APAF1: variants seen among roughly 807,000 people sequenced by gnomAD.
The protein encoded by APAF1 is apoptotic peptidase activating factor 1, also known as apoptotic protease-activating factor 1.
In APAF1, 91 loss-of-function variants were observed where a neutral mutation model predicts 152.4. The ratio of observed to expected loss-of-function variants is 0.60; its 90% CI spans 0.50 to 0.71. The LOEUF is 0.71. Ranked by LOEUF, APAF1 falls within the 30% of genes least tolerant of loss-of-function variation. APAF1 has a pLI of 0.00. For synonymous variants in APAF1, 484 were observed against 494.1 expected (o/e 0.98, Z 0.27); for missense variants, 1,283 against 1,472.0 (o/e 0.87, Z 2.10).
intron 16 of APAF1, among the ~76,000 whole-genome samples, chr12:98,695,721 G>C (rs1200944433): frequency 6.6e-6 from 1 of 152,238 alleles, no homozygotes; most frequent in Admixed American, 6.5e-5. Flanking sequence ...GGCCCCCTGG[G>C]TTGCAGAGTG....
Position 98,727,192 on chromosome 12 carries a change from G to C in APAF1, c.3476G>C (p.Gly1159Ala). 1 of 1,614,084 alleles carries C rather than the reference G, an allele frequency of 6.2e-7. No individual in the cohort carries two copies. Among genetic ancestry groups the C allele is most frequent in the Non-Finnish European group, 8.5e-7 (1 of 1,180,010 alleles). ...ATGTAGATATGGAATGTCTCAAACG[G>C]TGAGCTTCTTCATTTGTGTGCTCCG... ...GEIRIWNVSN[G>A]ELLHLCAPLS... is the part of the protein sequence containing the mutation. Residue 1159 changes from glycine to alanine, a missense_variant, in exon 26 of 27, where the codon GGT (glycine) becomes GCT (alanine). By Grantham distance (60) the Gly-to-Ala change is moderately conservative. Transcript: ENST00000551964.
intron 12 of APAF1, among the ~76,000 whole-genome samples, chr12:98,675,697 ATTT>A (rs2097685772): frequency 6.6e-6 from 1 of 152,174 alleles, no homozygotes; most frequent in Non-Finnish European, 1.5e-5. Flanking sequence ...ATCCTATACC[ATTT>A]TATGTAAGAG....
rs141675057 is a variant in APAF1 at position 98,731,856 on chromosome 12, G to A, written c.3601-564G>A. ...AGGACTTGGCTACAGCCCTTGCTAC[G>A]TTTGAGATGTTCAGTATTTGTTTAG... On this transcript the variant is annotated intron_variant, in intron 26 of 26. Transcript: ENST00000551964. Among the ~76,000 whole-genome samples, 404 of 152,328 alleles carry A rather than the reference G, an allele frequency of 2.7e-3. 1 individual carries two copies. Among genetic ancestry groups the A allele is most frequent in the Non-Finnish European group, 3.2e-3 (220 of 68,042 alleles).
rs143985030 is a variant in APAF1 at position 98,695,623 on chromosome 12, T to G, written c.2305-3785T>G. On this transcript the variant is annotated intron_variant, in intron 16 of 26. Coordinates refer to ENST00000551964, the MANE Select transcript of APAF1 (RefSeq NM_181861.2). Reference sequence around the variant, plus strand: ...GATCTCAACATTTAGAAAAAAGACTTTCTCTTAATTTTCCTGTTTTCAGGT... The same window carrying G: ...GATCTCAACATTTAGAAAAAAGACTGTCTCTTAATTTTCCTGTTTTCAGGT... Among the ~76,000 whole-genome samples the G allele has an allele frequency of 4.2e-4, 64 of 152,302 alleles. 1 individual carries two copies. The highest frequency in any genetic ancestry group is 1.5e-3 in the African/African-American group (61 of 41,562).
Position 98,648,606 on chromosome 12 carries a change from AACT to A in APAF1, c.139-16_139-14del. ...CATACATATTCATTGTTGTATACTA[AACT>A]ACTTAATTTTTTTTAGCCCACTCAA... On this transcript the variant is annotated splice_polypyrimidine_tract_variant and intron_variant, in intron 2 of 26. Transcript: ENST00000551964. The A allele has an allele frequency of 6.2e-7, 1 of 1,612,584 alleles. No homozygotes were observed. The highest frequency in any genetic ancestry group is 8.5e-7 in the Non-Finnish European group (1 of 1,179,412).
chr12:98,707,740 G>C lies in APAF1; in HGVS notation c.2722-845G>C, dbSNP rs1400255395. On this transcript the variant is annotated intron_variant, in intron 19 of 26. Transcript: ENST00000551964. ...TATAAATTTACTAATTCTCACAATA[G>C]TCCCTTTTGCAGATGAGGAAACAGG... is the stretch of plus-strand genomic sequence containing the variant. Among the ~76,000 whole-genome samples, 3 of 144,638 alleles carry C rather than the reference G, an allele frequency of 2.1e-5. No homozygotes were observed. In the Admixed American group the frequency reaches 2.1e-4, roughly 10 times the overall value. 94.9% of individuals were successfully genotyped at this position (144,638 alleles called of 152,430 possible).
At chr12:98,680,816 T>G (rs754256829) in intron 14 of APAF1, among the ~76,000 whole-genome samples, 1 of 152,250 alleles carries the variant, frequency 6.6e-6, no homozygotes, top group Non-Finnish European at 1.5e-5. Flanking sequence ...AGTGAGTTTG[T>G]CTTCCATTAA....
At position 98,680,273 on chromosome 12, in the gene APAF1, G is replaced by A; in HGVS notation, c.1921-4G>A. 1 of 1,592,498 alleles carries A rather than the reference G, an allele frequency of 6.3e-7. No homozygotes were observed. The highest frequency in any genetic ancestry group is 8.6e-7 in the Non-Finnish European group (1 of 1,167,768). ...TAAAAAATATTTTATTGTTACTTGTGCAGGTGTTCAAAGCTGAAACAGGAG... is the reference window on the plus strand; with the variant it reads ...TAAAAAATATTTTATTGTTACTTGTACAGGTGTTCAAAGCTGAAACAGGAG... On this transcript the variant is annotated splice_region_variant and splice_polypyrimidine_tract_variant and intron_variant, in intron 13 of 26. Transcript: ENST00000551964.
chr12:98,651,208 A>G (rs984072452), intron 4 of APAF1, among the ~76,000 whole-genome samples: 7 of 152,208 alleles, frequency 4.6e-5, no homozygotes. Context: ...ACGGCTTATT[A>G]TAGTAGATCT....
rs2097671883 is a variant in APAF1 at position 98,665,745 on chromosome 12, A to G, written c.1148A>G (p.Tyr383Cys). ...EMLREDIKDY[Y>C]TDLSILQKDV... ...CTCAGAGAAGACATCAAAGATTATT[A>G]CACAGATCTTTCCATCCTTCAGAAG... Residue 383 changes from tyrosine to cysteine, a missense_variant, in exon 8 of 27, where the codon TAC becomes TGC. Physicochemically the swap from Tyr to Cys is radical, Grantham distance 194 (BLOSUM62 -2). Transcript: ENST00000551964. The G allele has an allele frequency of 6.2e-7, 1 of 1,613,950 alleles. No homozygotes were observed. Among genetic ancestry groups the G allele is most frequent in the Non-Finnish European group, 8.5e-7 (1 of 1,179,932 alleles).
intron 20 of APAF1, among the ~76,000 whole-genome samples, chr12:98,710,862 G>A (rs1373695616): frequency 1.2e-4 from 18 of 151,114 alleles, no homozygotes; most frequent in Admixed American, 1.2e-3. Flanking sequence ...ATTGTATCAC[G>A]TCTTTGAGCC....
At chr12:98,701,922 C>T (rs1044847333) in intron 17 of APAF1, among the ~76,000 whole-genome samples, 1 of 152,202 alleles carries the variant, frequency 6.6e-6, no homozygotes, top group African/African-American at 2.4e-5. Context: ...TGCCAAGTTT[C>T]CTCGATCACT....
At chr12:98,669,103 T>C (rs566713479) in intron 10 of APAF1, among the ~76,000 whole-genome samples, 5 of 152,374 alleles carry the variant, frequency 3.3e-5, no homozygotes, top group African/African-American at 1.2e-4. Context: ...TAGTGTATAT[T>C]GGAATGATGG....
chr12:98,719,328 C>T (rs1354537026), intron 22 of APAF1, among the ~76,000 whole-genome samples: 10 of 151,946 alleles, frequency 6.6e-5, no homozygotes, highest in Admixed American at 3.3e-4. Flanking sequence ...TTCATAATGC[C>T]GATTTTGTTG....
chr12:98,666,291 G>A lies in APAF1; in HGVS notation c.1296G>A (p.Ser432=), dbSNP rs374998401. 9 of 1,613,626 alleles carry A rather than the reference G, an allele frequency of 5.6e-6. No individual in the cohort carries two copies. Among genetic ancestry groups the A allele is most frequent in the South Asian group, 2.2e-5 (2 of 90,988 alleles). Residue 432 remains serine (S), a synonymous_variant, in exon 9 of 27, where the codon TCG becomes TCA. Transcript: ENST00000551964. ...TATTCTGTGATCGGAATGGAAAGTC[G>A]TTTCGTTATTATTTACATGATCTTC... is the stretch of plus-strand genomic sequence containing the variant. The part of the protein sequence containing the change: ...SLLFCDRNGK[S]FRYYLHDLQV...
intron 7 of APAF1, among the ~76,000 whole-genome samples, chr12:98,663,105 T>TA (rs1401498024): frequency 1.1e-4 from 16 of 152,230 alleles, no homozygotes; most frequent in Non-Finnish European, 2.2e-4. Context: ...AATCAGATTT[T>TA]AAAACTTGTT....
At chr12:98,667,212 CTA>C (rs926355075) in intron 9 of APAF1, among the ~76,000 whole-genome samples, 1 of 151,586 alleles carries the variant, frequency 6.6e-6, no homozygotes, top group African/African-American at 2.4e-5. Flanking sequence ...TCCTGAGTAG[CTA>C]ATTCCCGAGT....
rs1219586580 is a variant in APAF1 at position 98,686,707 on chromosome 12, A to G, written c.2179-41A>G. 3 of 1,590,758 alleles carry G rather than the reference A, an allele frequency of 1.9e-6. No individual in the cohort carries two copies. In the South Asian group the frequency reaches 3.3e-5, roughly 18 times the overall value. The stretch of plus-strand genomic sequence containing the variant: ...CATGATTTCTGATGTTTCCCCACTC[A>G]ATACTAGTTGTTTATTTATCTTTTT... On this transcript the variant is annotated intron_variant, in intron 15 of 26. Coordinates refer to ENST00000551964, the MANE Select transcript of APAF1 (RefSeq NM_181861.2).
intron 12 of APAF1, among the ~76,000 whole-genome samples, chr12:98,676,201 C>G (rs1442195577): frequency 6.6e-6 from 1 of 152,054 alleles, no homozygotes; most frequent in African/African-American, 2.4e-5. Flanking sequence ...CATTACATTC[C>G]TTTACACCTT....
Sources: gnomAD v4.1 joint callset for allele counts (sites outside exome capture counted in the v4.1 genomes callset) on GRCh38, gnomAD v4.1.1 for gene constraint, MANE v1.5 for transcripts, NCBI Gene and HGNC (gene_info 2026-07-23, HGNC 2026-07-21) for gene names.